The following TRIP13 variants were observed in gnomAD, a reference collection of about 807,000 sequenced individuals.
TRIP13 encodes the protein thyroid hormone receptor interactor 13.
TRIP13 carries 25 observed loss-of-function variants against 54.4 expected under a neutral mutation model. That is an observed-to-expected ratio of 0.46 (90% CI 0.33 to 0.64). The LOEUF (loss-of-function observed/expected upper bound fraction) is 0.64, where lower values mean the gene tolerates loss of function less well. TRIP13 is among the 30% of genes least tolerant of loss of function. TRIP13 has a pLI of 0.02. For synonymous variants in TRIP13, 207 were observed against 207.8 expected, an observed-to-expected ratio of 1.00 and a Z score of 0.03; for missense variants, 373 against 534.2, an observed-to-expected ratio of 0.70 and a Z score of 2.97.
chr5:916,061 A>G, intron 12 of TRIP13, 88 bp downstream of exon 12: 1 of 1,348,236 alleles, frequency 7.4e-7, no homozygotes, highest in Non-Finnish European at 1.1e-6. Flanking sequence ...CTGGGGTATC[A>G]GCCTCATTTT....
intron 12 of TRIP13, 125 bp from the exon 13 acceptor site, chr5:916,883 C>T: frequency 1.4e-6 from 1 of 722,360 alleles, no homozygotes; most frequent in South Asian, 2.0e-5. Flanking sequence ...ACTCACTGCT[C>T]ACCTTATCAG....
At chr5:893,494 T>A in intron 1 of TRIP13, 1 of 228,844 alleles carries the variant, frequency 4.4e-6, no homozygotes, top group Non-Finnish European at 8.8e-6. Flanking sequence ...GCTGGGTGGT[T>A]ATTCTTTGAG....
chr5:902,735 G>A (rs757090324), intron 5 of TRIP13, among the ~76,000 whole-genome samples: 128 of 152,246 alleles, frequency 8.4e-4, no homozygotes, highest in South Asian at 1.9e-3. Flanking sequence ...TAGTGGCCCC[G>A]AATGCCAGGC....
intron 5 of TRIP13, among the ~76,000 whole-genome samples, chr5:902,096 G>A (rs557838313): frequency 6.6e-6 from 1 of 152,308 alleles, no homozygotes; most frequent in South Asian, 2.1e-4. Flanking sequence ...AGTACTCAGA[G>A]CTTTACTTTG....
At chr5:918,383 T>TAA (rs907884198), downstream of TRIP13, among the ~76,000 whole-genome samples, 1 of 152,166 alleles carries the variant, frequency 6.6e-6, no homozygotes, top group Non-Finnish European at 1.5e-5. The surrounding 1 kb of genome is among the most constrained non-coding windows in gnomAD (Gnocchi z 4.3). Context: ...TCAGTGCTGT[T>TAA]AAAGGATCTT....
At chr5:901,206 T>C (rs1270026747) in intron 4 of TRIP13, 135 bp from the exon 5 acceptor site, 20 of 626,044 alleles carry the variant, frequency 3.2e-5, no homozygotes, top group Non-Finnish European at 1.1e-5. Flanking sequence ...TTGGAGGTGA[T>C]GATCTCTTAG....
chr5:903,020 A>G (rs1754027984), intron 5 of TRIP13, among the ~76,000 whole-genome samples: 1 of 152,242 alleles, frequency 6.6e-6, no homozygotes, highest in African/African-American at 2.4e-5. Context: ...GACTAGGAGC[A>G]TGACCACTGA....
In TRIP13 at chr5:912,490, G is replaced by A. The variant is rs1057290018; in HGVS notation, c.1020+494G>A. ...ACTGTTGCCGTGGGCAGAGCGACGC[G>A]TGCGGGTTGTGTGTGTGAGTCAGGA... On this transcript the variant is annotated intron_variant, in intron 10 of 12. Coordinates refer to ENST00000166345, the MANE Select transcript of TRIP13 (RefSeq NM_004237.4). The surrounding 1 kb of genome is among the most constrained non-coding windows in gnomAD (Gnocchi z 7.2). Among the ~76,000 whole-genome samples, 5 of 152,124 alleles carry A rather than the reference G, an allele frequency of 3.3e-5. No individual in the cohort carries two copies. The highest frequency in any genetic ancestry group is 7.3e-5 in the Non-Finnish European group (5 of 68,032).
At chr5:902,848 GGGACCCTTC>G (rs1271295662) in intron 5 of TRIP13, among the ~76,000 whole-genome samples, 46 of 152,320 alleles carry the variant, frequency 3.0e-4, no homozygotes, top group Non-Finnish European at 5.6e-4. Flanking sequence ...CACTGGACAG[GGGACCCTTC>G]CCTGCCTGGC....
chr5:893,258 C>T (rs1165660504), intron 1 of TRIP13, among the ~76,000 whole-genome samples, 168 bp downstream of exon 1: 3 of 151,888 alleles, frequency 2.0e-5, no homozygotes, highest in African/African-American at 7.3e-5. Context: ...CGACCGGATC[C>T]TAGCGCAATG....
At chr5:901,580 C>T in intron 5 of TRIP13, 149 bp downstream of exon 5, 1 of 679,996 alleles carries the variant, frequency 1.5e-6, no homozygotes, top group Non-Finnish European at 2.5e-6. Flanking sequence ...TGAAGCAGAT[C>T]CAGCTCATGA....
At chr5:901,567 C>A in intron 5 of TRIP13, 136 bp downstream of exon 5, 1 of 727,658 alleles carries the variant, frequency 1.4e-6, no homozygotes, top group Non-Finnish European at 2.3e-6. Flanking sequence ...TGTCCCCTCT[C>A]TGTGAAGCAG....
At position 907,913 on chromosome 5, in the gene TRIP13, C is replaced by A; in HGVS notation, c.673-75C>A. 1 of 1,480,866 alleles carries A rather than the reference C, an allele frequency of 6.8e-7. No homozygotes were observed. The highest frequency in any genetic ancestry group is 9.4e-7 in the Non-Finnish European group (1 of 1,060,374). The allele number at this position is 1,480,866 out of a possible 1,614,324, so 91.7% of individuals were successfully genotyped here. A position where few individuals can be genotyped will look rare whatever the true frequency, so the allele number is the denominator to read the frequency against. ...TTGTGGGGACAACTGGGGCAGCAGG[C>A]CACATCAGGGTCCCCCTGTGCACCT... On this transcript the variant is annotated intron_variant, in intron 7 of 12. Coordinates refer to ENST00000166345, the MANE Select transcript of TRIP13 (RefSeq NM_004237.4). The surrounding 1 kb of genome is among the most constrained non-coding windows in gnomAD (Gnocchi z 4.1).
chr5:916,259 T>G (rs992056724), intron 12 of TRIP13, among the ~76,000 whole-genome samples: 14 of 152,206 alleles, frequency 9.2e-5, no homozygotes, highest in African/African-American at 3.4e-4. Flanking sequence ...GGGCCCTCGC[T>G]GGCCTCACCA....
Position 908,137 on chromosome 5 carries a change from C to T in TRIP13, c.759+63C>T, listed in dbSNP as rs545810100. On this transcript the variant is annotated intron_variant, in intron 8 of 12. Coordinates refer to ENST00000166345, the MANE Select transcript of TRIP13 (RefSeq NM_004237.4). This position sits in a 1 kb window ranked among gnomAD's most constrained non-coding sequence, Gnocchi z 5.2. ...GCCTTTTGCCATTGTGGGGACACAG[C>T]CTACTCCTGATGCTCCTAGCTTTCC... 7 of 1,568,218 alleles carry T rather than the reference C, an allele frequency of 4.5e-6. No homozygotes were observed. Among genetic ancestry groups the T allele is most frequent in the African/African-American group, 1.4e-5 (1 of 73,902 alleles).
chr5:904,169 C>T lies in TRIP13; in HGVS notation c.557C>T (p.Thr186Ile). 6.2e-7 allele frequency: 1 copy of T among 1,607,868 alleles called. No individual in the cohort carries two copies. Among genetic ancestry groups the T allele is most frequent in the Non-Finnish European group, 8.5e-7 (1 of 1,178,280 alleles). Residue 186 changes from threonine to isoleucine, a missense_variant, in exon 6 of 13, where the codon ACA (threonine) becomes ATA (isoleucine). This residue lies in a region of TRIP13 where 119 missense variants were observed against 223.0 expected (regional missense o/e 0.53). Transcript: ENST00000166345. ...LLHGPPGTGK[T>I]SLCKALAQKL... ...ACAGGTCCTCCTGGCACTGGAAAAA[C>T]ATCCCTGTGTAAAGCGTTAGCCCAG... is the stretch of plus-strand genomic sequence containing the variant.
Position 907,024 on chromosome 5 carries a change from C to T in TRIP13, c.609-106C>T, listed in dbSNP as rs1754128733. 3.5e-6 allele frequency: 3 copies of T among 849,498 alleles called. No individual in the cohort carries two copies. Among genetic ancestry groups the T allele is most frequent in the Non-Finnish European group, 5.9e-6 (3 of 509,606 alleles). The allele number at this position is 849,498 out of a possible 1,614,324, so 52.6% of individuals were successfully genotyped here. ...TTCTTTGTCAGTAATTGTAATTCCC[C>T]CGATGCTGGGCACTTGAGATGTTGC... On this transcript the variant is annotated intron_variant, in intron 6 of 12. Coordinates refer to ENST00000166345, the MANE Select transcript of TRIP13 (RefSeq NM_004237.4). This position sits in a 1 kb window ranked among gnomAD's most constrained non-coding sequence, Gnocchi z 4.1.
Position 907,590 on chromosome 5 carries a change from C to T in TRIP13, c.672+397C>T, listed in dbSNP as rs1754141658. ...CCAAGTCACCTGGCATCCGCACATCCCTCTGGTGAGGTGAGGTGGGACCAG... is the reference window on the plus strand; with the variant it reads ...CCAAGTCACCTGGCATCCGCACATCTCTCTGGTGAGGTGAGGTGGGACCAG... On this transcript the variant is annotated intron_variant, in intron 7 of 12. Transcript: ENST00000166345. The surrounding 1 kb of genome is among the most constrained non-coding windows in gnomAD (Gnocchi z 4.1). Among the ~76,000 whole-genome samples, 1 of 152,216 alleles carries T rather than the reference C, an allele frequency of 6.6e-6. No homozygotes were observed. Among genetic ancestry groups the T allele is most frequent in the Non-Finnish European group, 1.5e-5 (1 of 68,048 alleles).
In TRIP13 at chr5:917,742, C is replaced by G. The variant is rs1038328764; in HGVS notation, c.*639C>G. The stretch of plus-strand genomic sequence containing the variant: ...AGGAAAAGTGCAGACTCTGAGTGTT[C>G]CAGGGAAACACATGCTGGACATCCC... On this transcript the variant is annotated 3_prime_UTR_variant, in exon 13 of 13. Coordinates refer to ENST00000166345, the MANE Select transcript of TRIP13 (RefSeq NM_004237.4). 2.0e-5 allele frequency: 3 copies of G among 152,198 alleles called. No individual in the cohort carries two copies. Among genetic ancestry groups the G allele is most frequent in the African/African-American group, 7.2e-5 (3 of 41,438 alleles). The allele number at this position is 152,198 out of a possible 1,614,324, so 9.4% of individuals were successfully genotyped here.
Sources: allele counts gnomAD v4.1 joint callset (sites outside exome capture counted in the v4.1 genomes callset), GRCh38; gene constraint gnomAD v4.1.1; regional missense constraint gnomAD v4.1.1; non-coding constraint Gnocchi (gnomAD v3.1); transcripts MANE v1.5; gene names NCBI Gene and HGNC (gene_info 2026-07-23, HGNC 2026-07-21).